SCN2A: variants seen among roughly 807,000 people sequenced by gnomAD.
The protein encoded by SCN2A is sodium channel protein type 2 subunit alpha.
In SCN2A, 20 loss-of-function variants were observed where a neutral mutation model predicts 188.7. The observed-to-expected ratio is 0.11, with a 90% CI of 0.07 to 0.15. The LOEUF is 0.15. Ranked by LOEUF, SCN2A falls within the 10% of genes least tolerant of loss-of-function variation. SCN2A has a pLI of 1.00. For missense variants in SCN2A, 1,278 were observed against 2,445.0 expected (o/e 0.52, Z 10.07); for synonymous variants, 804 against 833.1 (o/e 0.97, Z 0.60).
intron 22 of SCN2A, 120 bp downstream of exon 22, chr2:165,375,086 A>G (rs1701240179): frequency 1.5e-5 from 13 of 870,982 alleles, no homozygotes; most frequent in Non-Finnish European, 3.6e-6. Flanking sequence ...AAATGACAAT[A>G]AATGCTGGCA....
intron 22 of SCN2A, among the ~76,000 whole-genome samples, chr2:165,375,240 A>G (rs1324208376): frequency 6.6e-6 from 1 of 152,030 alleles, no homozygotes; most frequent in Admixed American, 6.6e-5. Context: ...CTGGGTATAT[A>G]TACAAAGGAA....
intron 11 of SCN2A, among the ~76,000 whole-genome samples, chr2:165,319,423 C>T (rs150997152): frequency 6.6e-6 from 1 of 152,236 alleles, no homozygotes; most frequent in Admixed American, 6.5e-5. Context: ...CATTTACAGA[C>T]ATTTAATAGA....
chr2:165,357,749 C>CGCTTA (rs1416436934), intron 17 of SCN2A, among the ~76,000 whole-genome samples: 8 of 152,072 alleles, frequency 5.3e-5, no homozygotes, highest in African/African-American at 1.9e-4. Context: ...TGACCTTCAC[C>CGCTTA]GCTTACCATT....
chr2:165,239,777 T>G, intron 1 of SCN2A, 137 bp downstream of exon 1: 1 of 282,092 alleles, frequency 3.5e-6, no homozygotes, highest in East Asian at 1.8e-4. Flanking sequence ...CTAGCTGTTG[T>G]GCAATTTAAA....
At chr2:165,342,881 C>A (rs1699387061) in intron 15 of SCN2A, among the ~76,000 whole-genome samples, 1 of 152,076 alleles carries the variant, frequency 6.6e-6, no homozygotes, top group African/African-American at 2.4e-5. Context: ...CTCACCTTGT[C>A]CCCGTAGAGG....
intron 1 of SCN2A, among the ~76,000 whole-genome samples, chr2:165,265,422 T>C (rs1694796328): frequency 7.2e-6 from 1 of 139,664 alleles, no homozygotes; most frequent in Admixed American, 7.2e-5. Context: ...GATGCATAGT[T>C]GGCAAGTATT....
chr2:165,344,484 A>T (rs1699468726), intron 15 of SCN2A, 71 bp from the exon 16 acceptor site: 2 of 943,876 alleles, frequency 2.1e-6, no homozygotes, highest in Non-Finnish European at 2.9e-6. Flanking sequence ...ATAAAAAAAT[A>T]AAAATAAAAT....
intron 1 of SCN2A, among the ~76,000 whole-genome samples, chr2:165,292,576 G>C (rs1411015971): frequency 6.6e-6 from 1 of 151,856 alleles, no homozygotes; most frequent in East Asian, 1.9e-4. Context: ...GAGAAGATGT[G>C]GTATTTTGTT....
intron 22 of SCN2A, 66 bp downstream of exon 22, chr2:165,375,032 A>T: frequency 1.5e-6 from 2 of 1,337,638 alleles, no homozygotes; most frequent in Non-Finnish European, 2.1e-6. Flanking sequence ...TTTCTTCCTC[A>T]TAATGAGATA....
chr2:165,283,279 A>G (rs1695662625), intron 1 of SCN2A, among the ~76,000 whole-genome samples: 2 of 152,370 alleles, frequency 1.3e-5, no homozygotes, highest in East Asian at 3.9e-4. Flanking sequence ...CCTACAGCCC[A>G]GGAGACCTTA....
Position 165,263,573 on chromosome 2 carries a change from G to A in SCN2A, c.-52+23933G>A, listed in dbSNP as rs75815103. Among the ~76,000 whole-genome samples the A allele has an allele frequency of 5.1e-4, 78 of 152,124 alleles. No individual in the cohort carries two copies. The East Asian group carries it at 9.3e-3, about 18-fold the overall frequency. On this transcript the variant is annotated intron_variant, in intron 1 of 26. Coordinates refer to ENST00000375437, the MANE Select transcript of SCN2A (RefSeq NM_001040142.2). ...CTGAATCCTGTATTCTGTCCCATTGGTCTATATGCTGACTTTTATGCCAGT... is the reference window on the plus strand; with the variant it reads ...CTGAATCCTGTATTCTGTCCCATTGATCTATATGCTGACTTTTATGCCAGT...
At chr2:165,355,179 A>C (rs745825116) in intron 17 of SCN2A, among the ~76,000 whole-genome samples, 4 of 152,190 alleles carry the variant, frequency 2.6e-5, no homozygotes, top group Admixed American at 6.5e-5. Flanking sequence ...CTTGATATTT[A>C]TGTATAGTTT....
chr2:165,291,525 TTTCCTTCCTTCCTTCCTTCC>T (rs369490510), intron 1 of SCN2A, among the ~76,000 whole-genome samples: 6 of 58,634 alleles, frequency 1.0e-4, no homozygotes, highest in South Asian at 7.5e-4. Context: ...CTCTCCTTTC[TTTCCTTCCTTCCTTCCTTCC>T]TTCCTTCCTT....
chr2:165,317,008 G>A (rs1046675115), intron 11 of SCN2A, among the ~76,000 whole-genome samples: 4 of 151,960 alleles, frequency 2.6e-5, no homozygotes, highest in Admixed American at 6.6e-5. Context: ...AACTGATAAG[G>A]AAATTTACAA....
At chr2:165,317,544 A>G (rs1697827514) in intron 11 of SCN2A, among the ~76,000 whole-genome samples, 1 of 152,140 alleles carries the variant, frequency 6.6e-6, no homozygotes, top group Non-Finnish European at 1.5e-5. Context: ...CTTCATATCA[A>G]ACACTTACCA....
chr2:165,390,939 C>T lies in SCN2A; in HGVS notation c.*1115C>T, dbSNP rs1048688103. On this transcript the variant is annotated 3_prime_UTR_variant, in exon 27 of 27. Coordinates refer to ENST00000375437, the MANE Select transcript of SCN2A (RefSeq NM_001040142.2). ...CTGCTTTGTAAATAGTAATTTTACC[C>T]AGTGGTGCATGTTTGAGCAAACAAA... is the stretch of plus-strand genomic sequence containing the variant. The T allele has an allele frequency of 1.3e-5, 2 of 152,504 alleles. No individual in the cohort carries two copies. The highest frequency in any genetic ancestry group is 2.9e-5 in the Non-Finnish European group (2 of 67,976). The allele number at this position is 152,504 out of a possible 1,614,324, so 9.4% of individuals were successfully genotyped here. A position where few individuals can be genotyped will look rare whatever the true frequency, so the allele number is the denominator to read the frequency against.
chr2:165,323,547 G>A (rs1432399133), intron 12 of SCN2A, 47 bp downstream of exon 12: 1 of 1,509,658 alleles, frequency 6.6e-7, no homozygotes, highest in African/African-American at 1.4e-5. Flanking sequence ...GTTGTGACTG[G>A]TGCAGGCAGG....
chr2:165,255,604 C>G (rs557157181), intron 1 of SCN2A, among the ~76,000 whole-genome samples: 2 of 152,090 alleles, frequency 1.3e-5, no homozygotes, highest in Admixed American at 1.3e-4. Flanking sequence ...GGTTTAACCC[C>G]ATATCCTAAC....
At position 165,389,031 on chromosome 2, in the gene SCN2A, T is replaced by C; in HGVS notation, c.5225T>C (p.Val1742Ala). 1.2e-6 allele frequency: 2 copies of C among 1,614,096 alleles called. No homozygotes were observed. Among genetic ancestry groups the C allele is most frequent in the Non-Finnish European group, 1.7e-6 (2 of 1,180,006 alleles). The change falls in exon 27 of 27, where the codon GTT (valine) becomes GCT (alanine). Residue 1742 changes from valine (V) to alanine (A), a missense_variant. Transcript: ENST00000375437. This position sits in a 1 kb window ranked among gnomAD's most constrained non-coding sequence, Gnocchi z 4.2. Reference protein sequence around the residue: ...DPDKDHPGSSVKGDCGNPSVG... With the variant: ...DPDKDHPGSSAKGDCGNPSVG... Reference sequence around the variant, plus strand: ...GACAAAGATCACCCTGGAAGCTCAGTTAAAGGAGACTGTGGGAACCCATCT... The same window carrying C: ...GACAAAGATCACCCTGGAAGCTCAGCTAAAGGAGACTGTGGGAACCCATCT...
Sources: allele counts gnomAD v4.1 joint callset (sites outside exome capture counted in the v4.1 genomes callset), GRCh38; gene constraint gnomAD v4.1.1; non-coding constraint Gnocchi (gnomAD v3.1); transcripts MANE v1.5; gene names NCBI Gene and HGNC (gene_info 2026-07-23, HGNC 2026-07-21).